Variants in TLE3 observed in about 807,000 individuals in gnomAD.
TLE3 encodes the protein transducin-like enhancer protein 3.
Under a neutral mutation model 93.0 loss-of-function variants are expected in TLE3, and 14 were observed. That is an observed-to-expected ratio of 0.15 (90% CI 0.10 to 0.24). The LOEUF is 0.24. Among genes scored for constraint, TLE3 ranks in the 10% least tolerant of loss-of-function variants. TLE3 has a pLI of 1.00. For synonymous variants in TLE3, 451 were observed against 425.0 expected, an observed-to-expected ratio of 1.06 and a Z score of -0.75; for missense variants, 693 against 1,046.6, an observed-to-expected ratio of 0.66 and a Z score of 4.66.
chr15:70,067,888 G>A (rs528697981), intron 6 of TLE3, among the ~76,000 whole-genome samples: 3 of 152,318 alleles, frequency 2.0e-5, no homozygotes, highest in African/African-American at 4.8e-5. Flanking sequence ...CTTCTGTGAC[G>A]TCTGTTGCTA....
At chr15:70,068,933 C>T (rs2056978654) in intron 6 of TLE3, among the ~76,000 whole-genome samples, 1 of 152,222 alleles carries the variant, frequency 6.6e-6, no homozygotes, top group African/African-American at 2.4e-5. Flanking sequence ...CAGCTCTATC[C>T]TTTATCAGCT....
intron 18 of TLE3, 125 bp downstream of exon 18, chr15:70,052,249 C>G: frequency 4.0e-6 from 5 of 1,255,964 alleles, no homozygotes; most frequent in Non-Finnish European, 5.4e-6. Flanking sequence ...GCTCAGGGGT[C>G]AGGAGGCCTG....
intron 5 of TLE3, 32 bp downstream of exon 5, chr15:70,076,064 G>A (rs1308582983): frequency 6.2e-7 from 1 of 1,608,800 alleles, no homozygotes; most frequent in East Asian, 2.2e-5. Flanking sequence ...GATTTGGAAA[G>A]AAAAGGAAGA....
At chr15:70,053,494 G>A (rs376330536) in intron 16 of TLE3, 120 bp from the exon 17 acceptor site, 40 of 1,182,314 alleles carry the variant, frequency 3.4e-5, no homozygotes, top group East Asian at 8.0e-5. Flanking sequence ...TGCACTATGC[G>A]CATGGTCCCT....
In TLE3 at chr15:70,056,717, G is replaced by A. The variant is rs115393509; in HGVS notation, c.1252-343C>T. ...GGTCCAGGAGGTAAAAAGGAAAACTGTCTCCTGAAAAAGGGCCCCTCTCCC... is the reference window on the plus strand; with the variant it reads ...GGTCCAGGAGGTAAAAAGGAAAACTATCTCCTGAAAAAGGGCCCCTCTCCC... On this transcript the variant is annotated intron_variant, in intron 13 of 19. Coordinates refer to ENST00000451782, the MANE Select transcript of TLE3 (RefSeq NM_001105192.3). 3.9e-3 allele frequency among the ~76,000 whole-genome samples: 590 copies of A among 152,238 alleles called. 2 individuals are homozygous for A. The highest frequency in any genetic ancestry group is 0.014 in the African/African-American group (568 of 41,542).
At position 70,049,804 on chromosome 15, in the gene TLE3, G is replaced by T. The variant is rs190078083; in HGVS notation, c.*293C>A. 1,469 of 322,000 alleles carry T rather than the reference G, an allele frequency of 4.6e-3. 5 individuals are homozygous for T. The highest frequency in any genetic ancestry group is 8.0e-3 in the Admixed American group (199 of 24,798). The allele number at this position is 322,000 out of a possible 1,614,324, so 19.9% of individuals were successfully genotyped here. The stretch of plus-strand genomic sequence containing the variant: ...AACAGAGACTCATGAGCGGGTCTGT[G>T]GGGGAACCGGAGCCATAAGCCTCCA... On this transcript the variant is annotated 3_prime_UTR_variant, in exon 20 of 20. Coordinates refer to ENST00000451782, the MANE Select transcript of TLE3 (RefSeq NM_001105192.3).
Position 70,097,617 on chromosome 15 carries a change from G to A in TLE3, c.-819C>T, listed in dbSNP as rs2058622728. ...AGCTTGAGCACCGCGTCCCCACCGA[G>A]GAGCGCTCAGCGCCACCGCCGCTGC... On this transcript the variant is annotated 5_prime_UTR_variant, in exon 1 of 20. Transcript: ENST00000451782. The A allele has an allele frequency of 2.5e-6, 1 of 398,426 alleles. No individual in the cohort carries two copies. The highest frequency in any genetic ancestry group is 4.4e-5 in the Admixed American group (1 of 22,722). The allele number at this position is 398,426 out of a possible 1,614,324, so 24.7% of individuals were successfully genotyped here.
At chr15:70,055,848 A>C (rs2055969844) in intron 14 of TLE3, 4 of 249,560 alleles carry the variant, frequency 1.6e-5, no homozygotes, top group Non-Finnish European at 3.2e-5. Context: ...TCAATCTTTT[A>C]GTTTCCTAGC....
rs981177113 is a variant in TLE3 at position 70,049,682 on chromosome 15, CAA to C, written c.*413_*414del. ...CAAATCTTGTGCACTGCACAATCGG[CAA>C]AGAGAGACCCCCCCATCCCCCAGCA... is the stretch of plus-strand genomic sequence containing the variant. On this transcript the variant is annotated 3_prime_UTR_variant, in exon 20 of 20. Coordinates refer to ENST00000451782, the MANE Select transcript of TLE3 (RefSeq NM_001105192.3). The C allele has an allele frequency of 5.6e-6, 1 of 179,054 alleles. No individual in the cohort carries two copies. The highest frequency in any genetic ancestry group is 1.2e-5 in the Non-Finnish European group (1 of 83,122). The allele number at this position is 179,054 out of a possible 1,614,324, so 11.1% of individuals were successfully genotyped here.
chr15:70,054,406 C>G (rs1273728240), intron 16 of TLE3, 32 bp downstream of exon 16: 10 of 1,593,806 alleles, frequency 6.3e-6, no homozygotes, highest in Non-Finnish European at 8.6e-6. Context: ...TTCCCCAGGA[C>G]GAGGCACTAA....
At chr15:70,082,328 G>C (rs553774319) in intron 4 of TLE3, among the ~76,000 whole-genome samples, 2 of 152,118 alleles carry the variant, frequency 1.3e-5, no homozygotes, top group Non-Finnish European at 2.9e-5. Context: ...GAAATCCATG[G>C]GGGGGCCGGG....
At chr15:70,073,895 G>A (rs563838240) in intron 6 of TLE3, among the ~76,000 whole-genome samples, 3 of 152,342 alleles carry the variant, frequency 2.0e-5, no homozygotes, top group South Asian at 2.1e-4. Flanking sequence ...GGGCCAGTCC[G>A]GAAGTGGGCC....
chr15:70,065,979 G>GCCCCCCC, intron 7 of TLE3, 35 bp downstream of exon 7: 3 of 1,089,100 alleles, frequency 2.8e-6, no homozygotes, highest in East Asian at 2.4e-5. Flanking sequence ...GCCCACCCCT[G>GCCCCCCC]CCCCGCCCCA....
chr15:70,074,658 A>C, intron 5 of TLE3, 51 bp from the exon 6 acceptor site: 1 of 1,520,742 alleles, frequency 6.6e-7, no homozygotes, highest in South Asian at 1.2e-5. Context: ...TGGACAGAGG[A>C]GGTCACAGGC....
At position 70,096,306 on chromosome 15, in the gene TLE3, G is replaced by A. The variant is rs113417935; in HGVS notation, c.25-45C>T. ...GACAGGGGAGGGGGCGGGGGCATGA[G>A]ACCGCGCTCAGAGCGGCCCCGGCCC... is the stretch of plus-strand genomic sequence containing the variant. On this transcript the variant is annotated intron_variant, in intron 1 of 19. Coordinates refer to ENST00000451782, the MANE Select transcript of TLE3 (RefSeq NM_001105192.3). The A allele has an allele frequency of 7.7e-4, 1,185 of 1,547,826 alleles. 2 individuals are homozygous for A. In the African/African-American group the frequency reaches 0.013, roughly 18 times the overall value.
At chr15:70,050,270 T>G (rs2055398658) in intron 19 of TLE3, 66 bp from the exon 20 acceptor site, 1 of 1,279,356 alleles carries the variant, frequency 7.8e-7, no homozygotes, top group South Asian at 1.2e-5. Flanking sequence ...AAGACAGGAA[T>G]TCATTTTCCA....
intron 6 of TLE3, among the ~76,000 whole-genome samples, chr15:70,073,100 CCTTCAT>C (rs2057268805): frequency 6.6e-6 from 1 of 152,194 alleles, no homozygotes; most frequent in Non-Finnish European, 1.5e-5. Context: ...CACTGTGCTG[CCTTCAT>C]CAAAGGACTC....
chr15:70,052,066 T>C (rs1479358605), intron 18 of TLE3, among the ~76,000 whole-genome samples: 1 of 152,080 alleles, frequency 6.6e-6, no homozygotes, highest in Non-Finnish European at 1.5e-5. Context: ...AAGCAAGTGG[T>C]TGTAACCATG....
At position 70,058,368 on chromosome 15, in the gene TLE3, T is replaced by G; in HGVS notation, c.919-77A>C. ...AGGAGCCGGGCACAACTGGTGCCGG[T>G]CCCAACGTGAAGCCCAGAGCCAGAC... On this transcript the variant is annotated intron_variant, in intron 11 of 19. Transcript: ENST00000451782. The surrounding 1 kb of genome is among the most constrained non-coding windows in gnomAD (Gnocchi z 4.1). 6.6e-7 allele frequency: 1 copy of G among 1,525,208 alleles called. No homozygotes were observed. Among genetic ancestry groups the G allele is most frequent in the Non-Finnish European group, 8.8e-7 (1 of 1,135,420 alleles). 94.5% of individuals were successfully genotyped at this position (1,525,208 alleles called of 1,614,324 possible). A position where few individuals can be genotyped will look rare whatever the true frequency, so the allele number is the denominator to read the frequency against.
Sources: allele counts gnomAD v4.1 joint callset (sites outside exome capture counted in the v4.1 genomes callset), GRCh38; gene constraint gnomAD v4.1.1; non-coding constraint Gnocchi (gnomAD v3.1); transcripts MANE v1.5; gene names NCBI Gene and HGNC (gene_info 2026-07-23, HGNC 2026-07-21).